The following ITPRID1 variants were observed in gnomAD, a reference collection of about 807,000 sequenced individuals.
ITPRID1 encodes the protein ITPR interacting domain containing 1, also known as protein ITPRID1.
Under a neutral mutation model 95.4 loss-of-function variants are expected in ITPRID1, and 96 were observed. The ratio of observed to expected loss-of-function variants is 1.01; its 90% CI spans 0.85 to 1.19. The LOEUF is 1.19. Ranked by LOEUF, ITPRID1 falls within the 50% of genes most tolerant of loss-of-function variation. ITPRID1 has a pLI of 0.00. For synonymous variants in ITPRID1, 510 were observed against 453.6 expected (o/e 1.12, Z -1.58); for missense variants, 1,339 against 1,252.9 (o/e 1.07, Z -1.04).
chr7:31,611,274 A>C (rs1324532615), intron 10 of ITPRID1, among the ~76,000 whole-genome samples: 1 of 151,596 alleles, frequency 6.6e-6, no homozygotes, highest in Non-Finnish European at 1.5e-5. Flanking sequence ...TTATTGTCAT[A>C]CACATTACAT....
At chr7:31,517,442 C>T (rs1783080974) in intron 1 of ITPRID1, 2 of 152,362 alleles carry the variant, frequency 1.3e-5, no homozygotes, top group Non-Finnish European at 1.5e-5. Flanking sequence ...CTGGGCATTC[C>T]CACAGCCCAG....
intron 10 of ITPRID1, among the ~76,000 whole-genome samples, chr7:31,623,071 G>A (rs982870405): frequency 1.3e-5 from 2 of 152,180 alleles, no homozygotes; most frequent in Non-Finnish European, 2.9e-5. Flanking sequence ...TTGAATCTCT[G>A]AATAGGCCAA....
chr7:31,573,295 T>C (rs908785435), intron 7 of ITPRID1, among the ~76,000 whole-genome samples: 2 of 152,190 alleles, frequency 1.3e-5, no homozygotes, highest in South Asian at 2.1e-4. Context: ...TTCTACAACA[T>C]ATACATAGAA....
rs970719675 is a variant in ITPRID1 at position 31,642,220 on chromosome 7, G to A, written c.1273G>A (p.Gly425Arg). 9.0e-6 allele frequency: 14 copies of A among 1,560,066 alleles called. No individual in the cohort carries two copies. Among genetic ancestry groups the A allele is most frequent in the African/African-American group, 4.1e-5 (3 of 73,492 alleles). ...AAATAGCTGCCAGTCTGACAGCAGC[G>A]GGTTCCTGGAGGAGCCGCTGGAACC... ...RANSCQSDSS[G>R]FLEEPLEPLP... The change falls in exon 11 of 15, where the codon GGG becomes AGG. Residue 425 changes from glycine (G) to arginine (R), a missense_variant. Gly to Arg is a moderately radical substitution (Grantham distance 125, BLOSUM62 -2). Transcript: ENST00000615280.
At chr7:31,612,803 T>C (rs753503514) in intron 10 of ITPRID1, among the ~76,000 whole-genome samples, 4 of 152,186 alleles carry the variant, frequency 2.6e-5, no homozygotes, top group Non-Finnish European at 4.4e-5. Context: ...CAGATCTTTC[T>C]TGGGCATGAA....
intron 10 of ITPRID1, among the ~76,000 whole-genome samples, chr7:31,605,904 T>G (rs1340947308): frequency 2.0e-5 from 3 of 152,160 alleles, no homozygotes; most frequent in African/African-American, 7.2e-5. Flanking sequence ...CATACAGACC[T>G]CAATGATGAT....
chr7:31,607,253 G>A (rs1001009172), intron 10 of ITPRID1, among the ~76,000 whole-genome samples: 3 of 152,064 alleles, frequency 2.0e-5, no homozygotes, highest in Admixed American at 2.0e-4. Context: ...AAATTAATTT[G>A]GAGATTCTCT....
chr7:31,616,243 T>TAATTTAAATGTAAGTTATTGCTA (rs1787213156), intron 10 of ITPRID1, among the ~76,000 whole-genome samples: 1 of 152,220 alleles, frequency 6.6e-6, no homozygotes, highest in African/African-American at 2.4e-5. Flanking sequence ...TCTTTTTGAT[T>TAATTTAAATGTAAGTTATTGCTA]AATTTAAATG....
intron 1 of ITPRID1, among the ~76,000 whole-genome samples, chr7:31,546,149 A>G (rs750456931): frequency 4.9e-4 from 75 of 152,152 alleles, no homozygotes; most frequent in Admixed American, 7.2e-4. Context: ...ATTACATTCC[A>G]AAAGAACTTG....
chr7:31,549,973 G>T (rs546539251), intron 2 of ITPRID1, among the ~76,000 whole-genome samples: 1 of 152,198 alleles, frequency 6.6e-6, no homozygotes, highest in East Asian at 1.9e-4. Flanking sequence ...TTTCACTGTG[G>T]CTCTAAAGCT....
At chr7:31,630,254 A>AAC (rs1788873119) in intron 10 of ITPRID1, among the ~76,000 whole-genome samples, 1 of 151,592 alleles carries the variant, frequency 6.6e-6, no homozygotes. Flanking sequence ...CAAAAAAAAA[A>AAC]AAAAAAAACA....
At chr7:31,590,867 G>T (rs1036581492) in intron 10 of ITPRID1, among the ~76,000 whole-genome samples, 1 of 152,176 alleles carries the variant, frequency 6.6e-6, no homozygotes. Flanking sequence ...CTTTAAGGTA[G>T]GCACTGTTAC....
chr7:31,601,431 C>T (rs1001930032), intron 10 of ITPRID1, among the ~76,000 whole-genome samples: 1 of 152,130 alleles, frequency 6.6e-6, no homozygotes. Context: ...ACTTAGACAC[C>T]TTGACTATCT....
intron 10 of ITPRID1, among the ~76,000 whole-genome samples, chr7:31,609,713 T>A (rs1786782250): frequency 1.3e-5 from 2 of 151,496 alleles, no homozygotes; most frequent in South Asian, 2.1e-4. Flanking sequence ...GATTTGTCAG[T>A]TTTGGTGATC....
At chr7:31,520,310 C>T (rs913840364) in intron 1 of ITPRID1, among the ~76,000 whole-genome samples, 13 of 152,110 alleles carry the variant, frequency 8.5e-5, no homozygotes, top group Non-Finnish European at 1.5e-5. Context: ...GGTTTCTGCA[C>T]TGTTAAGTTA....
chr7:31,585,459 G>C (rs1785556806), intron 10 of ITPRID1, among the ~76,000 whole-genome samples: 1 of 152,022 alleles, frequency 6.6e-6, no homozygotes, highest in Non-Finnish European at 1.5e-5. Flanking sequence ...AATGGCAAGG[G>C]AATATAAGGA....
chr7:31,585,467 G>A (rs1229324296), intron 10 of ITPRID1, among the ~76,000 whole-genome samples: 2 of 151,682 alleles, frequency 1.3e-5, no homozygotes, highest in Non-Finnish European at 2.9e-5. Context: ...GGGAATATAA[G>A]GAAAAAAAGG....
chr7:31,531,765 T>C (rs1783605240), intron 1 of ITPRID1, among the ~76,000 whole-genome samples: 1 of 152,034 alleles, frequency 6.6e-6, no homozygotes, highest in Non-Finnish European at 1.5e-5. Context: ...CCCACAGGGG[T>C]TGTGGATTGG....
intron 1 of ITPRID1, among the ~76,000 whole-genome samples, chr7:31,546,228 T>C (rs903481868): frequency 6.6e-6 from 1 of 152,164 alleles, no homozygotes; most frequent in Non-Finnish European, 1.5e-5. Flanking sequence ...TAAATTACTT[T>C]TTTGTTTCCT....
Sources: gnomAD v4.1 joint callset for allele counts (sites outside exome capture counted in the v4.1 genomes callset) on GRCh38, gnomAD v4.1.1 for gene constraint, MANE v1.5 for transcripts, NCBI Gene and HGNC (gene_info 2026-07-23, HGNC 2026-07-21) for gene names.